Variants in PTPRM observed in about 807,000 individuals in gnomAD.
PTPRM encodes the protein protein tyrosine phosphatase receptor type M.
In PTPRM, 47 loss-of-function variants were observed where a neutral mutation model predicts 186.7. The observed-to-expected ratio is 0.25, with a 90% CI of 0.20 to 0.32. PTPRM has a LOEUF of 0.32. Ranked by LOEUF, PTPRM falls within the 10% of genes least tolerant of loss-of-function variation. The pLI is 1.00. For missense variants in PTPRM, 1,494 were observed against 1,865.0 expected, an observed-to-expected ratio of 0.80 and a Z score of 3.66; for synonymous variants, 668 against 674.9, an observed-to-expected ratio of 0.99 and a Z score of 0.16.
At chr18:7,714,052 A>G (rs2040269849) in intron 1 of PTPRM, among the ~76,000 whole-genome samples, 1 of 152,180 alleles carries the variant, frequency 6.6e-6, no homozygotes, top group Non-Finnish European at 1.5e-5. Context: ...TGTCCCCCCA[A>G]ATCAACAGAA....
At chr18:7,738,201 C>T (rs112704198) in intron 1 of PTPRM, among the ~76,000 whole-genome samples, 203 of 152,218 alleles carry the variant, frequency 1.3e-3, no homozygotes, top group African/African-American at 4.7e-3. Context: ...AAATAGGAAC[C>T]ATTGCAATCA....
intron 1 of PTPRM, among the ~76,000 whole-genome samples, chr18:7,615,622 C>T (rs2037783738): frequency 6.6e-6 from 1 of 152,088 alleles, no homozygotes; most frequent in Non-Finnish European, 1.5e-5. Flanking sequence ...GTCCTCCCCT[C>T]CCTTCCTGTA....
chr18:7,749,902 T>C (rs1026894334), intron 1 of PTPRM, among the ~76,000 whole-genome samples: 3 of 152,184 alleles, frequency 2.0e-5, no homozygotes, highest in African/African-American at 7.2e-5. Flanking sequence ...ATTTAAAAAA[T>C]TCAGTTAAGC....
At chr18:8,395,759 G>A (rs1376277213) in intron 32 of PTPRM, among the ~76,000 whole-genome samples, 2 of 152,084 alleles carry the variant, frequency 1.3e-5, no homozygotes, top group Non-Finnish European at 2.9e-5. Context: ...CCCACCCTAC[G>A]GGGAGCCCAT....
intron 18 of PTPRM, 26 bp from the exon 19 acceptor site, chr18:8,253,201 T>G: frequency 1.5e-6 from 2 of 1,371,734 alleles, no homozygotes; most frequent in Non-Finnish European, 1.9e-6. Flanking sequence ...CTCTCCCTCA[T>G]TTTCTCCCTG....
chr18:8,392,449 C>T (rs758277325), intron 31 of PTPRM, among the ~76,000 whole-genome samples: 1 of 151,928 alleles, frequency 6.6e-6, no homozygotes, highest in East Asian at 1.9e-4. Flanking sequence ...ACGGTGAAAC[C>T]CCATCTCTAC....
intron 32 of PTPRM, among the ~76,000 whole-genome samples, chr18:8,401,534 A>G (rs963695077): frequency 4.6e-5 from 7 of 152,214 alleles, no homozygotes; most frequent in Admixed American, 1.3e-4. Context: ...CTGTCCGTTC[A>G]GGGTCTAGCC....
At chr18:7,760,724 C>T (rs2041730955) in intron 1 of PTPRM, among the ~76,000 whole-genome samples, 1 of 152,142 alleles carries the variant, frequency 6.6e-6, no homozygotes, top group Non-Finnish European at 1.5e-5. Context: ...TAGAAACACA[C>T]ACATATATGC....
At chr18:8,258,108 A>T (rs72913104) in intron 19 of PTPRM, among the ~76,000 whole-genome samples, 18,328 of 152,284 alleles carry the variant, frequency 0.12, 1,175 homozygotes, top group Middle Eastern at 0.23. Context: ...ATTGAACAGA[A>T]AATGGCATGT....
At chr18:8,350,937 C>T (rs1037840207) in intron 23 of PTPRM, among the ~76,000 whole-genome samples, 37 of 152,074 alleles carry the variant, frequency 2.4e-4, no homozygotes, top group Non-Finnish European at 4.9e-4. Flanking sequence ...CAGTCGCCTG[C>T]AGAGCCTCTA....
chr18:7,570,909 T>C (rs138842530), intron 1 of PTPRM, among the ~76,000 whole-genome samples: 211 of 151,250 alleles, frequency 1.4e-3, no homozygotes, highest in African/African-American at 4.9e-3. Flanking sequence ...CATTGCTTAC[T>C]TATAATGATG....
At chr18:7,926,414 T>C (rs2051175374) in intron 4 of PTPRM, among the ~76,000 whole-genome samples, 154 bp from the exon 5 acceptor site, 1 of 152,236 alleles carries the variant, frequency 6.6e-6, no homozygotes, top group African/African-American at 2.4e-5. Flanking sequence ...TTAAAAATTA[T>C]AGTTAAATCT....
chr18:8,324,829 A>G (rs2095365897), intron 22 of PTPRM, among the ~76,000 whole-genome samples: 1 of 152,242 alleles, frequency 6.6e-6, no homozygotes, highest in African/African-American at 2.4e-5. Context: ...AAGTGTAGCC[A>G]CTGAACTCCA....
At chr18:7,866,192 T>C (rs967224441) in intron 2 of PTPRM, among the ~76,000 whole-genome samples, 1 of 152,342 alleles carries the variant, frequency 6.6e-6, no homozygotes, top group Middle Eastern at 3.4e-3. Context: ...CTTTTTCAGT[T>C]CTGCTCTGAT....
chr18:8,256,686 C>T (rs1351232528), intron 19 of PTPRM, among the ~76,000 whole-genome samples: 1 of 152,122 alleles, frequency 6.6e-6, no homozygotes, highest in Non-Finnish European at 1.5e-5. Flanking sequence ...ACTTTCTTAC[C>T]ATGTACCATA....
chr18:7,698,871 C>T (rs186978537), intron 1 of PTPRM, among the ~76,000 whole-genome samples: 1 of 152,180 alleles, frequency 6.6e-6, no homozygotes, highest in Admixed American at 6.5e-5. Flanking sequence ...TATTATTGGC[C>T]ATTTGGATAT....
chr18:8,033,910 A>G (rs1026803477), intron 7 of PTPRM, among the ~76,000 whole-genome samples: 2 of 152,204 alleles, frequency 1.3e-5, no homozygotes, highest in Non-Finnish European at 2.9e-5. Context: ...CAGAAGCTTT[A>G]GGGGAGATTC....
At chr18:7,598,620 A>G (rs2037323738) in intron 1 of PTPRM, among the ~76,000 whole-genome samples, 2 of 152,204 alleles carry the variant, frequency 1.3e-5, no homozygotes, top group Non-Finnish European at 2.9e-5. Context: ...GCTTTGCTGT[A>G]TTAATAGTAT....
intron 19 of PTPRM, among the ~76,000 whole-genome samples, chr18:8,293,538 A>G (rs1039972516): frequency 3.3e-5 from 5 of 152,152 alleles, no homozygotes; most frequent in African/African-American, 1.2e-4. Context: ...CCTACAAAAA[A>G]CAAAATCTGA....
Sources: gnomAD v4.1 joint callset for allele counts (sites outside exome capture counted in the v4.1 genomes callset) on GRCh38, gnomAD v4.1.1 for gene constraint, MANE v1.5 for transcripts, NCBI Gene and HGNC (gene_info 2026-07-23, HGNC 2026-07-21) for gene names.